Variants in USB1 observed in about 807,000 individuals in gnomAD.
The protein encoded by USB1 is U6 snRNA biogenesis phosphodiesterase 1.
In USB1, 21 loss-of-function variants were observed where a neutral mutation model predicts 29.9. That is an observed-to-expected ratio of 0.70 (90% CI 0.50 to 1.01). The LOEUF (loss-of-function observed/expected upper bound fraction) is 1.01, where lower values mean the gene tolerates loss of function less well. Ranked by LOEUF, USB1 falls within the 50% of genes least tolerant of loss-of-function variation. USB1 has a pLI of 0.00. For synonymous variants in USB1, 143 were observed against 134.9 expected (o/e 1.06, Z -0.42); for missense variants, 330 against 347.1 (o/e 0.95, Z 0.39).
chr16:58,006,972 T>C (rs2142297645), intron 2 of USB1, among the ~76,000 whole-genome samples: 1 of 152,352 alleles, frequency 6.6e-6, no homozygotes, highest in South Asian at 2.1e-4. Context: ...ATTGATAGGA[T>C]CATTTGATTT....
At chr16:58,012,011 T>TG in intron 3 of USB1, 1 of 1,164,644 alleles carries the variant, frequency 8.6e-7, no homozygotes, top group Non-Finnish European at 1.1e-6. Flanking sequence ...AAATGAGGTG[T>TG]TGCACAAAAG....
chr16:58,013,773 C>A lies in USB1; in HGVS notation c.450-500C>A. On this transcript the variant is annotated intron_variant, in intron 3 of 6. Transcript: ENST00000219281. This position sits in a 1 kb window ranked among gnomAD's most constrained non-coding sequence, Gnocchi z 4.3. Reference sequence around the variant, plus strand: ...TCTGTTTCTTTGTCTGTAAAATGGGCATAATTGTAGGCCTGCTCACAGAGT... The same window carrying A: ...TCTGTTTCTTTGTCTGTAAAATGGGAATAATTGTAGGCCTGCTCACAGAGT... 1 of 293,158 alleles carries A rather than the reference C, an allele frequency of 3.4e-6. No individual in the cohort carries two copies. Among genetic ancestry groups the A allele is most frequent in the Non-Finnish European group, 5.2e-6 (1 of 193,738 alleles). The allele number at this position is 293,158 out of a possible 1,614,324, so 18.2% of individuals were successfully genotyped here.
intron 4 of USB1, chr16:58,016,335 A>G (rs1416133449): frequency 6.6e-6 from 1 of 152,226 alleles, no homozygotes; most frequent in Non-Finnish European, 1.5e-5. Context: ...ATGAAAAGCA[A>G]AAGTGCTGCT....
At chr16:58,004,128 G>A (rs4784021) in intron 2 of USB1, among the ~76,000 whole-genome samples, 115,141 of 152,152 alleles carry the variant, frequency 0.76, 44,042 homozygotes, top group Middle Eastern at 0.82. Context: ...TTTTGTGAAA[G>A]GTGGAAGGTC....
At chr16:58,019,289 TA>T (rs1347288473) in intron 6 of USB1, among the ~76,000 whole-genome samples, 1 of 150,202 alleles carries the variant, frequency 6.7e-6, no homozygotes, top group African/African-American at 2.5e-5. Context: ...CACCAAGACC[TA>T]AGAAATCAGA....
upstream of USB1, chr16:58,001,271 G>A: frequency 1.6e-6 from 1 of 638,398 alleles, no homozygotes; most frequent in Non-Finnish European, 2.8e-6. Flanking sequence ...GAGGCTGCAG[G>A]TGACCAGATC....
intron 4 of USB1, chr16:58,016,317 C>T (rs1392758634): frequency 6.6e-6 from 1 of 152,242 alleles, no homozygotes; most frequent in Non-Finnish European, 1.5e-5. Context: ...ATAAGAGACA[C>T]TGGTGGGATG....
chr16:58,002,273 A>C (rs538965867), intron 1 of USB1, among the ~76,000 whole-genome samples: 9 of 151,914 alleles, frequency 5.9e-5, no homozygotes, highest in Non-Finnish European at 1.0e-4. Context: ...GTTGTTTCCC[A>C]TGGGGACCTT....
intron 2 of USB1, among the ~76,000 whole-genome samples, chr16:58,003,944 A>G (rs1963293906): frequency 6.6e-6 from 1 of 151,560 alleles, no homozygotes; most frequent in South Asian, 2.1e-4. Flanking sequence ...AGAAGTTTTT[A>G]AGTTTAATGA....
intron 3 of USB1, chr16:58,011,347 T>A: frequency 7.5e-7 from 1 of 1,332,298 alleles, no homozygotes; most frequent in Non-Finnish European, 9.6e-7. Context: ...GGGTGAAGGG[T>A]TAGTACCAGA....
chr16:58,011,167 G>T, intron 3 of USB1: 1 of 1,507,346 alleles, frequency 6.6e-7, no homozygotes, highest in Non-Finnish European at 8.9e-7. Context: ...TGCTGCTTAG[G>T]AAATGACACA....
rs568472579 is a variant in USB1, at chr16:58,001,705, C to A, written c.98+124C>A. 10 of 1,125,510 alleles carry A rather than the reference C, an allele frequency of 8.9e-6. No homozygotes were observed. In the African/African-American group the frequency reaches 1.4e-4, roughly 16 times the overall value. 69.7% of individuals were successfully genotyped at this position (1,125,510 alleles called of 1,614,324 possible). On this transcript the variant is annotated intron_variant, in intron 1 of 6. Coordinates refer to ENST00000219281, the MANE Select transcript of USB1 (RefSeq NM_024598.4). ...GGCGGCTCTGGGAAGGAAAAGGGGA[C>A]GCAGGAAGAAAGGAGGATCCAGAAG...
In USB1 at chr16:58,020,388, TCATCCTC is replaced by T; in HGVS notation, c.*145_*151del. The T allele has an allele frequency of 1.4e-6, 1 of 725,948 alleles. No homozygotes were observed. Among genetic ancestry groups the T allele is most frequent in the Non-Finnish European group, 2.5e-6 (1 of 402,398 alleles). The allele number at this position is 725,948 out of a possible 1,614,324, so 45.0% of individuals were successfully genotyped here. A position where few individuals can be genotyped will look rare whatever the true frequency, so the allele number is the denominator to read the frequency against. On this transcript the variant is annotated 3_prime_UTR_variant, in exon 7 of 7. Coordinates refer to ENST00000219281, the MANE Select transcript of USB1 (RefSeq NM_024598.4). Reference sequence around the variant, plus strand: ...ACCTGGCAGGAGGTGTAGCCACTCCTCATCCTCCCTGAGTGCTGATATTCTCTCTCTC... The same window carrying T: ...ACCTGGCAGGAGGTGTAGCCACTCCTCCTGAGTGCTGATATTCTCTCTCTC...
At chr16:58,001,332 A>T (rs1963178616), upstream of USB1, 1 of 873,282 alleles carries the variant, frequency 1.1e-6, no homozygotes, top group Non-Finnish European at 1.8e-6. Flanking sequence ...AATCTTCACC[A>T]CTGTCCTGCC....
At chr16:58,017,944 T>A (rs1033209872) in intron 5 of USB1, among the ~76,000 whole-genome samples, 1 of 152,222 alleles carries the variant, frequency 6.6e-6, no homozygotes, top group Non-Finnish European at 1.5e-5. Context: ...ACAATTATTG[T>A]TGCTTCAAAA....
At chr16:58,005,301 G>C (rs916608634) in intron 2 of USB1, among the ~76,000 whole-genome samples, 1 of 151,984 alleles carries the variant, frequency 6.6e-6, no homozygotes, top group African/African-American at 2.4e-5. Context: ...AACTCCCCTG[G>C]GGAAAGGGAG....
chr16:58,001,289 G>A, upstream of USB1: 3 of 674,928 alleles, frequency 4.4e-6, no homozygotes, highest in Non-Finnish European at 7.7e-6. Flanking sequence ...ATCCGCGTGC[G>A]CAGCCGGCAG....
intron 2 of USB1, among the ~76,000 whole-genome samples, chr16:58,009,619 G>T (rs1963442881): frequency 6.6e-6 from 1 of 151,896 alleles, no homozygotes; most frequent in South Asian, 2.1e-4. Flanking sequence ...CAGCTACTCG[G>T]GAGGCTGAGG....
At chr16:58,006,414 C>T (rs926920390) in intron 2 of USB1, among the ~76,000 whole-genome samples, 2 of 149,258 alleles carry the variant, frequency 1.3e-5, no homozygotes, top group African/African-American at 2.5e-5. Context: ...AATCCCAGCA[C>T]TTTGGGAGGC....
Sources: gnomAD v4.1 joint callset for allele counts (sites outside exome capture counted in the v4.1 genomes callset) on GRCh38, gnomAD v4.1.1 for gene constraint, Gnocchi (gnomAD v3.1) non-coding constraint, MANE v1.5 for transcripts, NCBI Gene and HGNC (gene_info 2026-07-23, HGNC 2026-07-21) for gene names.